TUSC3: variants seen among roughly 807,000 people sequenced by gnomAD.
The protein encoded by TUSC3 is dolichyl-diphosphooligosaccharide--protein glycosyltransferase subunit TUSC3.
Under a neutral mutation model 44.8 loss-of-function variants are expected in TUSC3, and 45 were observed. The ratio of observed to expected loss-of-function variants is 1.00; its 90% confidence interval spans 0.79 to 1.29. The LOEUF (loss-of-function observed/expected upper bound fraction) is 1.29. Among genes scored for constraint, TUSC3 ranks in the 50% most tolerant of loss-of-function variants. The pLI is 0.00. For synonymous variants in TUSC3, 212 were observed against 152.9 expected (o/e 1.39, Z -2.85); for missense variants, 519 against 437.9 (o/e 1.19, Z -1.65).
intron 1 of TUSC3, among the ~76,000 whole-genome samples, chr8:15,582,157 C>T (rs896574264): frequency 1.3e-5 from 2 of 152,220 alleles, no homozygotes; most frequent in Non-Finnish European, 2.9e-5. Flanking sequence ...ATGCCTCGCC[C>T]TGCTTCGGCT....
the TUSC3 span, among the ~76,000 whole-genome samples, chr8:15,772,904 CATA>C: frequency 6.9e-6 from 1 of 144,776 alleles, no homozygotes; most frequent in Non-Finnish European, 1.5e-5. Context: ...GGAAAGCTTA[CATA>C]ATGATGTAGT....
downstream of TUSC3, among the ~76,000 whole-genome samples, chr8:15,767,215 A>G (rs1168067537): frequency 3.9e-5 from 6 of 152,086 alleles, no homozygotes; most frequent in East Asian, 5.8e-4. Context: ...ATATTCCTCT[A>G]TGTCTGAAAT....
intron 2 of TUSC3, among the ~76,000 whole-genome samples, chr8:15,500,098 A>G (rs1448598450): frequency 6.6e-6 from 1 of 152,120 alleles, no homozygotes; most frequent in African/African-American, 2.4e-5. Flanking sequence ...ATCCTCTATT[A>G]CCTTGACTGT....
chr8:15,660,460 G>C (rs776962464), intron 4 of TUSC3, among the ~76,000 whole-genome samples: 5 of 152,014 alleles, frequency 3.3e-5, no homozygotes, highest in Non-Finnish European at 5.9e-5. Context: ...AATGGTGATG[G>C]TAGTTCATAC....
chr8:15,674,944 C>T (rs1284178886), intron 6 of TUSC3, among the ~76,000 whole-genome samples: 1 of 151,998 alleles, frequency 6.6e-6, no homozygotes. Flanking sequence ...CCAACAAGAT[C>T]CTTCCTGACG....
intron 1 of TUSC3, among the ~76,000 whole-genome samples, chr8:15,555,914 T>C (rs950707295): frequency 2.0e-5 from 3 of 151,610 alleles, no homozygotes; most frequent in Non-Finnish European, 2.9e-5. Context: ...CTGATAAAAA[T>C]ATATCAATAA....
chr8:15,418,301 G>A (rs1056186680), intron 1 of TUSC3, among the ~76,000 whole-genome samples: 13 of 152,190 alleles, frequency 8.5e-5, no homozygotes, highest in Admixed American at 7.9e-4. Context: ...AATGAGTAAC[G>A]TAAACAAAAG....
At chr8:15,467,231 A>G (rs971307497) in intron 1 of TUSC3, among the ~76,000 whole-genome samples, 6 of 149,166 alleles carry the variant, frequency 4.0e-5, no homozygotes, top group African/African-American at 1.5e-4. Flanking sequence ...CTTGGGGTTC[A>G]TTATCTACTG....
the TUSC3 span, chr8:15,806,338 T>C: frequency 2.8e-6 from 2 of 726,046 alleles, no homozygotes; most frequent in East Asian, 2.7e-5. Context: ...TGCTTCTTTA[T>C]GATTTCTTCT....
intron 7 of TUSC3, among the ~76,000 whole-genome samples, chr8:15,732,727 G>T (rs998911918): frequency 1.3e-5 from 2 of 152,220 alleles, no homozygotes; most frequent in Middle Eastern, 3.4e-3. Flanking sequence ...TAATGAAAAC[G>T]AAGGAATGAA....
At chr8:15,522,871 A>T (rs141649067) in intron 2 of TUSC3, among the ~76,000 whole-genome samples, 4 of 152,182 alleles carry the variant, frequency 2.6e-5, no homozygotes, top group Non-Finnish European at 5.9e-5. Flanking sequence ...CAAATGTGCT[A>T]TGTCAGTCCT....
At chr8:15,687,960 A>G (rs1808711491) in intron 6 of TUSC3, among the ~76,000 whole-genome samples, 1 of 152,188 alleles carries the variant, frequency 6.6e-6, no homozygotes, top group Non-Finnish European at 1.5e-5. Flanking sequence ...TTCATCTAAT[A>G]CAGTTAATTA....
chr8:15,636,650 C>T (rs4645564), intron 2 of TUSC3, among the ~76,000 whole-genome samples: 27,552 of 152,148 alleles, frequency 0.18, 2,501 homozygotes, highest in South Asian at 0.26. Flanking sequence ...CCCAAAGATA[C>T]GGGGTGTGGT....
intron 1 of TUSC3, among the ~76,000 whole-genome samples, chr8:15,611,472 C>T (rs1563132975): frequency 6.6e-6 from 1 of 152,154 alleles, no homozygotes; most frequent in Non-Finnish European, 1.5e-5. Context: ...CAGGCGTGAG[C>T]CATCGTACCT....
At chr8:15,470,820 A>C (rs1045502887) in intron 1 of TUSC3, among the ~76,000 whole-genome samples, 1 of 152,122 alleles carries the variant, frequency 6.6e-6, no homozygotes, top group African/African-American at 2.4e-5. Context: ...TGCTGTGTCT[A>C]CATGGTCCCA....
intron 2 of TUSC3, among the ~76,000 whole-genome samples, chr8:15,640,254 C>T (rs1053313130): frequency 1.8e-4 from 27 of 152,202 alleles, no homozygotes; most frequent in African/African-American, 6.3e-4. Context: ...ACACTTTACA[C>T]GTGTCACAAC....
At chr8:15,536,513 C>G (rs1801523083), upstream of TUSC3, among the ~76,000 whole-genome samples, 1 of 151,380 alleles carries the variant, frequency 6.6e-6, no homozygotes. Flanking sequence ...GAAACCCTAT[C>G]TGTACTGAAA....
intron 1 of TUSC3, among the ~76,000 whole-genome samples, chr8:15,565,350 C>G (rs1802627040): frequency 6.6e-6 from 1 of 152,118 alleles, no homozygotes; most frequent in South Asian, 2.1e-4. Flanking sequence ...AGGATAATCT[C>G]TTCCCATTTC....
chr8:15,848,507 A>G, the TUSC3 span, among the ~76,000 whole-genome samples: 1 of 152,114 alleles, frequency 6.6e-6, no homozygotes, highest in South Asian at 2.1e-4. Flanking sequence ...TACAGAACAG[A>G]CCCCATCTAT....
Sources: allele counts gnomAD v4.1 joint callset (sites outside exome capture counted in the v4.1 genomes callset), GRCh38; gene constraint gnomAD v4.1.1; transcripts MANE v1.5; gene names NCBI Gene and HGNC (gene_info 2026-07-23, HGNC 2026-07-21).